The following IL17RA variants were observed in gnomAD, a reference collection of about 807,000 sequenced individuals.
The protein encoded by IL17RA is interleukin-17 receptor A.
Under a neutral mutation model 50.4 loss-of-function variants are expected in IL17RA, and 34 were observed. The ratio of observed to expected loss-of-function variants is 0.67; its 90% CI spans 0.51 to 0.90. IL17RA has a LOEUF of 0.90. IL17RA is among the 40% of genes least tolerant of loss of function. The pLI, the probability that IL17RA is intolerant of heterozygous loss-of-function variation, is 0.00. For missense variants in IL17RA, 1,276 were observed against 1,169.8 expected (o/e 1.09, Z -1.32); for synonymous variants, 585 against 510.4 (o/e 1.15, Z -1.97).
At chr22:17,098,697 C>A in intron 3 of IL17RA, 78 bp from the exon 4 acceptor site, 1 of 1,136,230 alleles carries the variant, frequency 8.8e-7, no homozygotes, top group Non-Finnish European at 1.3e-6. Flanking sequence ...ACAACCGCAA[C>A]AGATAGGGAA....
chr22:17,109,505 C>T lies in IL17RA; in HGVS notation c.2286C>T (p.Cys762=). 1 of 1,601,982 alleles carries T rather than the reference C, an allele frequency of 6.2e-7. No homozygotes were observed. Among genetic ancestry groups the T allele is most frequent in the African/African-American group, 1.3e-5 (1 of 74,850 alleles). ...MLSLFEQSLS[C]QAQGGCSRPA... ...CGCTCTTCGAGCAGAGTCTGAGCTG[C>T]CAGGCCCAGGGGGGCTGCAGTAGAC... The change falls in exon 13 of 13, where the codon TGC becomes TGT. Residue 762 remains cysteine (C), a synonymous_variant. Coordinates refer to ENST00000319363, the MANE Select transcript of IL17RA (RefSeq NM_014339.7).
intron 1 of IL17RA, among the ~76,000 whole-genome samples, chr22:17,095,513 A>G (rs1601339569): frequency 6.6e-6 from 1 of 152,302 alleles, no homozygotes; most frequent in East Asian, 1.9e-4. Flanking sequence ...AGTAGCTCCC[A>G]GTGGCTAGTA....
intron 5 of IL17RA, 26 bp from the exon 6 acceptor site, chr22:17,101,970 G>GATA (rs1568920264): frequency 1.2e-6 from 2 of 1,614,154 alleles, no homozygotes; most frequent in Admixed American, 1.7e-5. Context: ...GAGGCTTAAT[G>GATA]AGTTTCCTTT....
intron 11 of IL17RA, 85 bp from the exon 12 acceptor site, chr22:17,107,642 G>A: frequency 8.3e-7 from 1 of 1,207,574 alleles, no homozygotes; most frequent in Non-Finnish European, 1.2e-6. Flanking sequence ...TTCACCCTTT[G>A]TCAGGGATGG....
At position 17,085,141 on chromosome 22, in the gene IL17RA, G is replaced by GGCTGCTCCT. The variant is rs751990928; in HGVS notation, c.61_69dup (p.Leu21_Leu23dup). ...TCCGCTGTCCCGGGGCCCCTGCTGG[G>GGCTGCTCCT]GCTGCTCCTGCTGCTCCTGGGCGTG... On this transcript the variant is annotated inframe_insertion, in exon 1 of 13. Transcript: ENST00000319363. 1.3e-6 allele frequency: 2 copies of GGCTGCTCCT among 1,504,932 alleles called. No homozygotes were observed. Among genetic ancestry groups the GGCTGCTCCT allele is most frequent in the South Asian group, 1.2e-5 (1 of 80,552 alleles). The allele number at this position is 1,504,932 out of a possible 1,614,324, so 93.2% of individuals were successfully genotyped here. A position where few individuals can be genotyped will look rare whatever the true frequency, so the allele number is the denominator to read the frequency against.
At chr22:17,085,386 G>A in intron 1 of IL17RA, 157 bp downstream of exon 1, 2 of 940,530 alleles carry the variant, frequency 2.1e-6, no homozygotes, top group South Asian at 9.8e-5. Context: ...CACAGATATC[G>A]CGGCGCCTGG....
rs187276134 is a variant in IL17RA, at chr22:17,097,180, C to T, written c.163+94C>T. On this transcript the variant is annotated intron_variant, in intron 2 of 12. Transcript: ENST00000319363. ...TGACAGAAGTCTTGCCATGCCACTC[C>T]AGGTTCAGGCTGTGAGCTACAGCCA... 3.4e-4 allele frequency: 411 copies of T among 1,221,944 alleles called. 1 individual carries two copies. Among genetic ancestry groups the T allele is most frequent in the Admixed American group, 8.3e-4 (49 of 59,208 alleles). The allele number at this position is 1,221,944 out of a possible 1,614,324, so 75.7% of individuals were successfully genotyped here.
chr22:17,111,628 C>T lies in IL17RA; in HGVS notation c.*1808C>T, dbSNP rs2061443149. The T allele has an allele frequency of 6.6e-6, 1 of 152,138 alleles. No individual in the cohort carries two copies. The highest frequency in any genetic ancestry group is 2.4e-5 in the African/African-American group (1 of 41,420). The allele number at this position is 152,138 out of a possible 1,614,324, so 9.4% of individuals were successfully genotyped here. On this transcript the variant is annotated 3_prime_UTR_variant, in exon 13 of 13. Coordinates refer to ENST00000319363, the MANE Select transcript of IL17RA (RefSeq NM_014339.7). ...GCCGTCTGACACTGGAATAGGGTGCCCTTCATTCCTATGCCTGAGTCCTTA... is the reference window on the plus strand; with the variant it reads ...GCCGTCTGACACTGGAATAGGGTGCTCTTCATTCCTATGCCTGAGTCCTTA...
At position 17,085,065 on chromosome 22, in the gene IL17RA, C is replaced by G. The variant is rs886057199; in HGVS notation, c.-27C>G. The G allele has an allele frequency of 1.6e-4, 212 of 1,295,682 alleles. No homozygotes were observed. The highest frequency in any genetic ancestry group is 2.0e-4 in the Non-Finnish European group (204 of 1,021,508). The allele number at this position is 1,295,682 out of a possible 1,614,324, so 80.3% of individuals were successfully genotyped here. A position where few individuals can be genotyped will look rare whatever the true frequency, so the allele number is the denominator to read the frequency against. On this transcript the variant is annotated 5_prime_UTR_variant, in exon 1 of 13. Transcript: ENST00000319363. ...CGTTCGCTGCGTCCCCAGCCGGGGC[C>G]GAGCCCTCCGCGACGCCAGCCGGGC...
intron 1 of IL17RA, among the ~76,000 whole-genome samples, chr22:17,092,452 G>T (rs747332112): frequency 2.6e-5 from 4 of 152,154 alleles, no homozygotes; most frequent in African/African-American, 9.7e-5. Flanking sequence ...TGTCTAGGGG[G>T]TGGGCGGTCT....
rs1213045066 is a variant in IL17RA at position 17,109,535 on chromosome 22, C to T, written c.2316C>T (p.Ala772=). The change falls in exon 13 of 13, where the codon GCC becomes GCT. Residue 772 remains alanine, a synonymous_variant. Coordinates refer to ENST00000319363, the MANE Select transcript of IL17RA (RefSeq NM_014339.7). ...CCCAGGGGGGCTGCAGTAGACCCGC[C>T]ATGGTCCTCACAGACCCACACACGC... The part of the protein sequence containing the change: ...CQAQGGCSRP[A]MVLTDPHTPY... 6.3e-7 allele frequency: 1 copy of T among 1,599,016 alleles called. No homozygotes were observed. Among genetic ancestry groups the T allele is most frequent in the Admixed American group, 1.7e-5 (1 of 57,748 alleles).
At chr22:17,104,872 C>G in intron 9 of IL17RA, 62 bp downstream of exon 9, 1 of 1,492,578 alleles carries the variant, frequency 6.7e-7, no homozygotes, top group South Asian at 1.1e-5. Flanking sequence ...GGCCCCCAGC[C>G]TGTGCTGCGT....
intron 1 of IL17RA, among the ~76,000 whole-genome samples, chr22:17,096,241 G>T (rs1408147462): frequency 1.3e-5 from 2 of 152,148 alleles, no homozygotes; most frequent in Admixed American, 6.5e-5. Flanking sequence ...AACACATACT[G>T]CCCAAGAGGG....
chr22:17,101,685 CAG>C (rs1391549059), intron 5 of IL17RA, among the ~76,000 whole-genome samples: 1 of 152,206 alleles, frequency 6.6e-6, no homozygotes, highest in African/African-American at 2.4e-5. Context: ...TGTGCAAAGA[CAG>C]GGGCAGCCGG....
At position 17,109,787 on chromosome 22, in the gene IL17RA, G is replaced by A. The variant is rs754917156; in HGVS notation, c.2568G>A (p.Thr856=). 2.6e-5 allele frequency: 41 copies of A among 1,550,370 alleles called. No individual in the cohort carries two copies. The Middle Eastern group carries it at 5.0e-4, about 19-fold the overall frequency. Residue 856 remains threonine (T), a synonymous_variant, in exon 13 of 13, where the codon ACG becomes ACA. Coordinates refer to ENST00000319363, the MANE Select transcript of IL17RA (RefSeq NM_014339.7). ...TGCAGAAGAACTCGGGCTGGGACAC[G>A]ATGGGGTCAGAGTCAGAGGGGCCCA... ...RQLQKNSGWD[T]MGSESEGPSA
At chr22:17,099,488 TC>T (rs1212947135) in intron 4 of IL17RA, among the ~76,000 whole-genome samples, 1 of 152,082 alleles carries the variant, frequency 6.6e-6, no homozygotes, top group Non-Finnish European at 1.5e-5. Flanking sequence ...ACCCCAGACT[TC>T]CCAGGCCAGA....
intron 1 of IL17RA, among the ~76,000 whole-genome samples, chr22:17,090,136 T>C (rs1428363143): frequency 2.0e-5 from 3 of 152,134 alleles, no homozygotes; most frequent in Non-Finnish European, 4.4e-5. Flanking sequence ...AGCTCTCCTG[T>C]CTCAGCCTCC....
intron 1 of IL17RA, among the ~76,000 whole-genome samples, chr22:17,095,343 T>C (rs2061364888): frequency 6.6e-6 from 1 of 152,194 alleles, no homozygotes; most frequent in South Asian, 2.1e-4. Flanking sequence ...CAGTATTCCA[T>C]AGGGCATACC....
At chr22:17,105,753 C>A in intron 10 of IL17RA, 100 bp from the exon 11 acceptor site, 2 of 1,388,936 alleles carry the variant, frequency 1.4e-6, no homozygotes, top group Non-Finnish European at 2.0e-6. Context: ...CGTGGTGGGG[C>A]CAGAGAGGAC....
Sources: allele counts gnomAD v4.1 joint callset (sites outside exome capture counted in the v4.1 genomes callset), GRCh38; gene constraint gnomAD v4.1.1; transcripts MANE v1.5; gene names NCBI Gene and HGNC (gene_info 2026-07-23, HGNC 2026-07-21).